The following ATP1A1 variants were observed in gnomAD, a reference collection of about 807,000 sequenced individuals.
ATP1A1 encodes ATPase Na+/K+ transporting subunit alpha 1.
ATP1A1 carries 14 observed loss-of-function variants against 114.8 expected under a neutral mutation model. The observed-to-expected ratio is 0.12, with a 90% CI of 0.08 to 0.19. The LOEUF is 0.19. ATP1A1 is among the 10% of genes least tolerant of loss of function. ATP1A1 has a pLI of 1.00. For missense variants in ATP1A1, 524 were observed against 1,290.7 expected, an observed-to-expected ratio of 0.41 and a Z score of 9.10; for synonymous variants, 471 against 466.3, an observed-to-expected ratio of 1.01 and a Z score of -0.13.
At chr1:116,379,856 C>T (rs1220979266) in intron 1 of ATP1A1, among the ~76,000 whole-genome samples, 1 of 152,212 alleles carries the variant, frequency 6.6e-6, no homozygotes, top group Admixed American at 6.5e-5. Flanking sequence ...CCAGACTTGG[C>T]AGCCTCTAGG....
chr1:116,401,508 C>T lies in ATP1A1; in HGVS notation c.2850-46C>T, dbSNP rs368471684. The T allele has an allele frequency of 7.6e-6, 12 of 1,586,914 alleles. No individual in the cohort carries two copies. The highest frequency in any genetic ancestry group is 1.0e-5 in the Non-Finnish European group (12 of 1,156,190). The stretch of plus-strand genomic sequence containing the variant: ...TAATGCATAGCATTAGAAGATAAAC[C>T]TTTATTTGCACCTTTTAAGTTTTTT... On this transcript the variant is annotated intron_variant, in intron 20 of 22. Transcript: ENST00000295598. This position sits in a 1 kb window ranked among gnomAD's most constrained non-coding sequence, Gnocchi z 4.7.
chr1:116,403,664 A>T (rs924119584), intron 21 of ATP1A1, among the ~76,000 whole-genome samples: 2 of 152,190 alleles, frequency 1.3e-5, no homozygotes, highest in African/African-American at 4.8e-5. Context: ...AAGTCTGCAG[A>T]CTGATTTCCT....
At chr1:116,375,547 C>T (rs957239064) in intron 1 of ATP1A1, among the ~76,000 whole-genome samples, 1 of 152,188 alleles carries the variant, frequency 6.6e-6, no homozygotes, top group Non-Finnish European at 1.5e-5. Flanking sequence ...TAGTGGCTAG[C>T]AAACACAAGA....
chr1:116,374,096 C>G, intron 1 of ATP1A1: 2 of 1,466,518 alleles, frequency 1.4e-6, no homozygotes, highest in Non-Finnish European at 1.8e-6. Context: ...GGCTCCTTCT[C>G]CTGGGGACGC....
chr1:116,376,002 C>CT (rs1377259765), intron 1 of ATP1A1, among the ~76,000 whole-genome samples: 1 of 152,172 alleles, frequency 6.6e-6, no homozygotes, highest in African/African-American at 2.4e-5. Flanking sequence ...GATTTTGTCC[C>CT]TTTTTTTCTT....
In ATP1A1 at chr1:116,404,582, G is replaced by A. The variant is rs1338300953; in HGVS notation, c.*138G>A. The A allele has an allele frequency of 1.9e-5, 26 of 1,399,884 alleles. No individual in the cohort carries two copies. The highest frequency in any genetic ancestry group is 3.4e-5 in the South Asian group (2 of 58,986). The allele number at this position is 1,399,884 out of a possible 1,614,324, so 86.7% of individuals were successfully genotyped here. On this transcript the variant is annotated 3_prime_UTR_variant, in exon 23 of 23. Coordinates refer to ENST00000295598, the MANE Select transcript of ATP1A1 (RefSeq NM_000701.8). The surrounding 1 kb of genome is among the most constrained non-coding windows in gnomAD (Gnocchi z 4.8). Reference sequence around the variant, plus strand: ...ACCGCAGCATGTGGGGAAGCAAGACGTCCTGGAATGAAGCATGTAGCTCTA... The same window carrying A: ...ACCGCAGCATGTGGGGAAGCAAGACATCCTGGAATGAAGCATGTAGCTCTA...
chr1:116,394,968 C>T lies in ATP1A1; in HGVS notation c.1661-142C>T, dbSNP rs1652787407. On this transcript the variant is annotated intron_variant, in intron 12 of 22. Coordinates refer to ENST00000295598, the MANE Select transcript of ATP1A1 (RefSeq NM_000701.8). ...GTTCATAAATGTTAAATAAAACCCT[C>T]ACTCTGTTATAAAAATATAGACTTT... 7.8e-6 allele frequency: 6 copies of T among 772,076 alleles called. No homozygotes were observed. The East Asian group carries it at 1.6e-4, about 21-fold the overall frequency. 47.8% of individuals were successfully genotyped at this position (772,076 alleles called of 1,614,324 possible).
chr1:116,398,600 G>C lies in ATP1A1; in HGVS notation c.2125-21G>C, dbSNP rs766893556. 1.2e-6 allele frequency: 2 copies of C among 1,610,810 alleles called. No homozygotes were observed. ...TAGGAAAAGTGATTGGTATTAACCCGTTTTCCCTTTTCTGGGGTAGGGTGC... is the reference window on the plus strand; with the variant it reads ...TAGGAAAAGTGATTGGTATTAACCCCTTTTCCCTTTTCTGGGGTAGGGTGC... On this transcript the variant is annotated intron_variant, in intron 15 of 22. Transcript: ENST00000295598. This position sits in a 1 kb window ranked among gnomAD's most constrained non-coding sequence, Gnocchi z 6.1.
chr1:116,398,047 G>A lies in ATP1A1; in HGVS notation c.2124+9G>A. On this transcript the variant is annotated intron_variant, in intron 15 of 22. Coordinates refer to ENST00000295598, the MANE Select transcript of ATP1A1 (RefSeq NM_000701.8). This position sits in a 1 kb window ranked among gnomAD's most constrained non-coding sequence, Gnocchi z 6.1. ...AAGGCTGCCAAAGACAGGTCAGCCA[G>A]CACAAGGATCAGGCTGCTTTGGGCA... is the stretch of plus-strand genomic sequence containing the variant. The A allele has an allele frequency of 1.2e-6, 2 of 1,613,572 alleles. No individual in the cohort carries two copies. The highest frequency in any genetic ancestry group is 1.7e-6 in the Non-Finnish European group (2 of 1,179,726).
chr1:116,390,532 T>A, intron 9 of ATP1A1, 121 bp downstream of exon 9: 1 of 1,043,208 alleles, frequency 9.6e-7, no homozygotes, highest in South Asian at 1.8e-5. Flanking sequence ...TTTCTTTCTT[T>A]TTTGTTTTTT....
intron 1 of ATP1A1, chr1:116,383,254 C>G (rs1054590183): frequency 3.7e-6 from 2 of 544,528 alleles, no homozygotes; most frequent in Non-Finnish European, 2.4e-6. Flanking sequence ...ATGGGCTGGG[C>G]GCTCCCTTTT....
Position 116,388,097 on chromosome 1 carries a change from A to ATCTCGGTG in ATP1A1, c.388-34_388-33insTCTCGGTG. On this transcript the variant is annotated intron_variant, in intron 4 of 22. Transcript: ENST00000295598. The surrounding 1 kb of genome is among the most constrained non-coding windows in gnomAD (Gnocchi z 5.6). ...TTGAATGTCCCTAATTATTGTGTAG[A>ATCTCGGTG]GCCACGGGCCCTAACTTGTCTTTTC... is the stretch of plus-strand genomic sequence containing the variant. The ATCTCGGTG allele has an allele frequency of 7.1e-7, 1 of 1,400,478 alleles. No individual in the cohort carries two copies. The highest frequency in any genetic ancestry group is 1.8e-5 in the Admixed American group (1 of 54,660). 86.8% of individuals were successfully genotyped at this position (1,400,478 alleles called of 1,614,324 possible).
At chr1:116,375,771 G>C (rs1190355586) in intron 1 of ATP1A1, among the ~76,000 whole-genome samples, 1 of 152,210 alleles carries the variant, frequency 6.6e-6, no homozygotes, top group Non-Finnish European at 1.5e-5. Flanking sequence ...GGTGGAGAGT[G>C]ACTAAAGCCC....
intron 3 of ATP1A1, chr1:116,386,159 G>GAAAAAAAAA (rs1553190495): frequency 3.6e-5 from 4 of 111,484 alleles, no homozygotes; most frequent in Non-Finnish European, 3.9e-5. Context: ...AAAAAAAAAG[G>GAAAAAAAAA]AGAGAAGAAC....
rs544704478 is a variant in ATP1A1 at position 116,384,493 on chromosome 1, A to G, written c.124-290A>G. Among the ~76,000 whole-genome samples the G allele has an allele frequency of 1.3e-5, 2 of 152,282 alleles. No homozygotes were observed. The highest frequency in any genetic ancestry group is 3.9e-4 in the East Asian group (2 of 5,176). ...ACCTGGTCATCAGAGAAGGCAGATA[A>G]GGTTTTACTAGATCCCTGAGAGCTG... On this transcript the variant is annotated intron_variant, in intron 2 of 22. Transcript: ENST00000295598. This position sits in a 1 kb window ranked among gnomAD's most constrained non-coding sequence, Gnocchi z 5.1.
At position 116,388,715 on chromosome 1, in the gene ATP1A1, A is replaced by T; in HGVS notation, c.579A>T (p.Val193=). Residue 193 remains valine (V), a synonymous_variant, in exon 6 of 23, where the codon GTA becomes GTT. Transcript: ENST00000295598. This position sits in a 1 kb window ranked among gnomAD's most constrained non-coding sequence, Gnocchi z 5.6. The part of the protein sequence containing the change: ...EEVVVGDLVE[V]KGGDRIPADL... ...TTGTGGTTGGGGATCTGGTGGAAGT[A>T]AAAGGAGGAGACCGAATTCCTGCTG... 1 of 1,614,190 alleles carries T rather than the reference A, an allele frequency of 6.2e-7. No individual in the cohort carries two copies. The highest frequency in any genetic ancestry group is 8.5e-7 in the Non-Finnish European group (1 of 1,180,040).
chr1:116,388,113 T>A lies in ATP1A1; in HGVS notation c.388-18T>A. The A allele has an allele frequency of 1.3e-6, 2 of 1,579,776 alleles. No homozygotes were observed. Among genetic ancestry groups the A allele is most frequent in the Non-Finnish European group, 8.7e-7 (1 of 1,150,732 alleles). On this transcript the variant is annotated intron_variant, in intron 4 of 22. Coordinates refer to ENST00000295598, the MANE Select transcript of ATP1A1 (RefSeq NM_000701.8). The surrounding 1 kb of genome is among the most constrained non-coding windows in gnomAD (Gnocchi z 5.6). The stretch of plus-strand genomic sequence containing the variant: ...ATTGTGTAGAGCCACGGGCCCTAAC[T>A]TGTCTTTTCCCTTCCAGCTGTACCT...
Position 116,401,754 on chromosome 1 carries a change from G to T in ATP1A1, c.2951+99G>T. 1 of 1,257,324 alleles carries T rather than the reference G, an allele frequency of 8.0e-7. No individual in the cohort carries two copies. Among genetic ancestry groups the T allele is most frequent in the Non-Finnish European group, 1.1e-6 (1 of 878,196 alleles). The allele number at this position is 1,257,324 out of a possible 1,614,324, so 77.9% of individuals were successfully genotyped here. ...ATAGTTGTTATTTTCAGAATTTTGA[G>T]TGGTATGTACAAAAATTCCTATGGG... On this transcript the variant is annotated intron_variant, in intron 21 of 22. Transcript: ENST00000295598. The surrounding 1 kb of genome is among the most constrained non-coding windows in gnomAD (Gnocchi z 4.7).
At position 116,374,005 on chromosome 1, in the gene ATP1A1, G is replaced by T; in HGVS notation, c.12+482G>T. 4 of 1,325,264 alleles carry T rather than the reference G, an allele frequency of 3.0e-6. No individual in the cohort carries two copies. The South Asian group carries it at 6.6e-5, about 22-fold the overall frequency. 82.1% of individuals were successfully genotyped at this position (1,325,264 alleles called of 1,614,324 possible). On this transcript the variant is annotated intron_variant, in intron 1 of 22. Coordinates refer to ENST00000295598, the MANE Select transcript of ATP1A1 (RefSeq NM_000701.8). The stretch of plus-strand genomic sequence containing the variant: ...AAAGGCGCGCTCCTCCCCTTCCCCT[G>T]GGGCGCTCCGCCGGGGCCTCCTCCC...
Sources: gnomAD v4.1 joint callset for allele counts (sites outside exome capture counted in the v4.1 genomes callset) on GRCh38, gnomAD v4.1.1 for gene constraint, Gnocchi (gnomAD v3.1) non-coding constraint, MANE v1.5 for transcripts, NCBI Gene and HGNC (gene_info 2026-07-23, HGNC 2026-07-21) for gene names.